TDRKH: variants seen among roughly 807,000 people sequenced by gnomAD.
TDRKH encodes tudor and KH domain containing, also known as tudor and KH domain-containing protein.
In TDRKH, 28 loss-of-function variants were observed where a neutral mutation model predicts 61.3. The ratio of observed to expected loss-of-function variants is 0.46; its 90% CI spans 0.34 to 0.63. TDRKH has a LOEUF of 0.63. Ranked by LOEUF, TDRKH falls within the 20% of genes least tolerant of loss-of-function variation. TDRKH has a pLI of 0.01. For synonymous variants in TDRKH, 219 were observed against 244.4 expected (o/e 0.90, Z 0.97); for missense variants, 540 against 683.4 (o/e 0.79, Z 2.34).
In TDRKH at chr1:151,773,783, C is replaced by T. The variant is rs1054037972; in HGVS notation, c.*669G>A. The T allele has an allele frequency of 4.6e-5, 7 of 152,084 alleles. No individual in the cohort carries two copies. Among genetic ancestry groups the T allele is most frequent in the Admixed American group, 2.6e-4 (4 of 15,268 alleles). The allele number at this position is 152,084 out of a possible 1,614,324, so 9.4% of individuals were successfully genotyped here. A position where few individuals can be genotyped will look rare whatever the true frequency, so the allele number is the denominator to read the frequency against. ...CCTGAGGCTTTTAAATATAATTATGCTAATTTTTGCCTTTGCCTCCTGATT... is the reference window on the plus strand; with the variant it reads ...CCTGAGGCTTTTAAATATAATTATGTTAATTTTTGCCTTTGCCTCCTGATT... On this transcript the variant is annotated 3_prime_UTR_variant, in exon 13 of 13. Coordinates refer to ENST00000368824, the MANE Select transcript of TDRKH (RefSeq NM_001083965.2).
rs768291468 is a variant in TDRKH, at chr1:151,782,880, A to C, written c.124+19T>G. The C allele has an allele frequency of 1.9e-6, 3 of 1,547,022 alleles. No homozygotes were observed. Among genetic ancestry groups the C allele is most frequent in the South Asian group, 2.5e-5 (2 of 80,832 alleles). On this transcript the variant is annotated intron_variant, in intron 2 of 12. Transcript: ENST00000368824. ...CATGTCTGAACATTTTCACACACAC[A>C]GTCATAGGGTTCACGTACCTCTGCT...
At chr1:151,775,598 G>A in intron 9 of TDRKH, 55 bp from the exon 10 acceptor site, 3 of 1,564,994 alleles carry the variant, frequency 1.9e-6, no homozygotes, top group South Asian at 2.4e-5. Context: ...ATACCCTGGA[G>A]GGAAGTTGGA....
chr1:151,769,670 G>C (rs533509569), downstream of TDRKH, among the ~76,000 whole-genome samples: 2 of 152,170 alleles, frequency 1.3e-5, no homozygotes, highest in African/African-American at 4.8e-5. Flanking sequence ...TCCCAGACGG[G>C]GTGGTGGCCG....
downstream of TDRKH, chr1:151,767,530 A>C (rs1028229119): frequency 3.7e-5 from 31 of 841,448 alleles, no homozygotes; most frequent in South Asian, 7.4e-4. Context: ...AGTGGGGACA[A>C]AGGTAAAACA....
chr1:151,789,180 T>G (rs1479557026), intron 1 of TDRKH, among the ~76,000 whole-genome samples: 1 of 152,220 alleles, frequency 6.6e-6, no homozygotes, highest in Admixed American at 6.5e-5. Flanking sequence ...GGTGCGGTTT[T>G]GGCCGACTTC....
At chr1:151,790,001 G>C (rs888240536) in intron 1 of TDRKH, among the ~76,000 whole-genome samples, 4 of 152,204 alleles carry the variant, frequency 2.6e-5, no homozygotes, top group Non-Finnish European at 4.4e-5. Flanking sequence ...ACTGTAAACA[G>C]CCATCCTATT....
In TDRKH at chr1:151,783,063, A is replaced by C; in HGVS notation, c.-27-14T>G. 1 of 1,600,222 alleles carries C rather than the reference A, an allele frequency of 6.2e-7. No homozygotes were observed. The highest frequency in any genetic ancestry group is 8.5e-7 in the Non-Finnish European group (1 of 1,174,058). ...TTGACTTATATCCTGAAACAAGCAA[A>C]GCAGGGAAAAGAGGGAGGTTTCATC... On this transcript the variant is annotated splice_polypyrimidine_tract_variant and intron_variant, in intron 1 of 12. Transcript: ENST00000368824.
intron 6 of TDRKH, 95 bp downstream of exon 6, chr1:151,778,590 T>G: frequency 6.3e-7 from 1 of 1,589,026 alleles, no homozygotes; most frequent in Non-Finnish European, 8.6e-7. Context: ...TTATACTGGC[T>G]GCTCAGACTG....
At chr1:151,778,122 A>C (rs929686016) in intron 6 of TDRKH, among the ~76,000 whole-genome samples, 10 of 152,146 alleles carry the variant, frequency 6.6e-5, no homozygotes, top group African/African-American at 2.4e-5. Context: ...TTATACCTCC[A>C]AGCTCCTGTG....
chr1:151,775,790 T>G (rs375451715), intron 9 of TDRKH, 30 bp downstream of exon 9: 1 of 1,605,096 alleles, frequency 6.2e-7, no homozygotes, highest in Non-Finnish European at 8.5e-7. Flanking sequence ...TATTTGGAGG[T>G]AAGCTCAATA....
At chr1:151,770,677 G>T, downstream of TDRKH, 1 of 236,652 alleles carries the variant, frequency 4.2e-6, no homozygotes, top group Non-Finnish European at 8.2e-6. Flanking sequence ...CTCAAACTCT[G>T]TTGGATATAA....
downstream of TDRKH, chr1:151,766,564 G>A (rs1648364843): frequency 5.7e-6 from 4 of 698,638 alleles, no homozygotes; most frequent in East Asian, 1.1e-4. Flanking sequence ...AAGGGATTAG[G>A]GTAGATAAGC....
Position 151,776,250 on chromosome 1 carries a change from GCA to G in TDRKH, c.1061_1062del (p.Val354AlafsTer36). ...GGTGCTGCTACAATGTCTCCTACAT[GCA>G]CAGTCAAGTCTTCAGGCTGTATGTG... is the stretch of plus-strand genomic sequence containing the variant. ...YENSVPEDLT[V>X]HVGDIVAAPL... On this transcript the variant is annotated frameshift_variant, in exon 8 of 13. Coordinates refer to ENST00000368824, the MANE Select transcript of TDRKH (RefSeq NM_001083965.2). LOFTEE classifies it high-confidence loss of function. 1.1e-5 allele frequency: 18 copies of G among 1,613,988 alleles called. No homozygotes were observed. The highest frequency in any genetic ancestry group is 1.5e-5 in the Non-Finnish European group (18 of 1,179,908).
At chr1:151,767,604 C>T (rs1648408734), downstream of TDRKH, 1 of 352,434 alleles carries the variant, frequency 2.8e-6, no homozygotes, top group Non-Finnish European at 4.9e-6. Context: ...AGATGCTAAG[C>T]AGGATCTGGA....
At chr1:151,786,843 A>G (rs1650359742) in intron 1 of TDRKH, among the ~76,000 whole-genome samples, 1 of 152,156 alleles carries the variant, frequency 6.6e-6, no homozygotes. Flanking sequence ...TGAATTCAGT[A>G]TATCATTTTT....
At chr1:151,781,445 T>A in intron 3 of TDRKH, 36 bp downstream of exon 3, 2 of 1,576,136 alleles carry the variant, frequency 1.3e-6, no homozygotes, top group Middle Eastern at 1.7e-4. Flanking sequence ...ACAGAATCAA[T>A]CCTTGGGAAA....
downstream of TDRKH, among the ~76,000 whole-genome samples, chr1:151,768,752 A>G (rs916468694): frequency 1.3e-5 from 2 of 152,144 alleles, no homozygotes; most frequent in South Asian, 2.1e-4. Flanking sequence ...TAGTGGAGGG[A>G]AGGTCAGCAG....
In TDRKH at chr1:151,775,504, C is replaced by T; in HGVS notation, c.1322G>A (p.Arg441Lys). ...CTTCCAGTCAGCACAATGAGTGAGT[C>T]TATCAAACTCATCCAAAGCTTCCTC... ...WEEEALDEFD[R>K]LTHCADWKPL... Residue 441 changes from arginine to lysine, a missense_variant, in exon 10 of 13, where the codon AGA (arginine) becomes AAA (lysine). Transcript: ENST00000368824. 1.9e-6 allele frequency: 3 copies of T among 1,613,942 alleles called. No homozygotes were observed. In the South Asian group the frequency reaches 3.3e-5, roughly 18 times the overall value.
rs540026561 is a variant in TDRKH at position 151,775,221 on chromosome 1, T to A, written c.1435-55A>T. The A allele has an allele frequency of 1.1e-5, 18 of 1,599,082 alleles. No homozygotes were observed. The East Asian group carries it at 4.0e-4, about 36-fold the overall frequency. On this transcript the variant is annotated intron_variant, in intron 10 of 12. Transcript: ENST00000368824. ...TTCTCTCAGTAAGCAAGGGCAAATT[T>A]GAGGAAACAAGGCAGAAGGACTGAT...
Sources: gnomAD v4.1 joint callset for allele counts (sites outside exome capture counted in the v4.1 genomes callset) on GRCh38, gnomAD v4.1.1 for gene constraint, MANE v1.5 for transcripts, NCBI Gene and HGNC (gene_info 2026-07-23, HGNC 2026-07-21) for gene names.